The following FAM13A variants were observed in gnomAD, a reference collection of about 807,000 sequenced individuals.
FAM13A encodes family with sequence similarity 13 member A.
A neutral mutation model predicts 129.6 loss-of-function variants in FAM13A; 76 were observed. That is an observed-to-expected ratio of 0.59 (90% confidence interval 0.49 to 0.71). The LOEUF (loss-of-function observed/expected upper bound fraction) is 0.71. Ranked by LOEUF, FAM13A falls within the 30% of genes least tolerant of loss-of-function variation. The pLI is 0.00. For synonymous variants in FAM13A, 443 were observed against 449.9 expected (o/e 0.98, Z 0.20); for missense variants, 1,108 against 1,249.3 (o/e 0.89, Z 1.70).
intron 3 of FAM13A, among the ~76,000 whole-genome samples, chr4:89,015,507 A>G (rs1433844208): frequency 1.3e-5 from 2 of 152,226 alleles, no homozygotes; most frequent in Admixed American, 1.3e-4. Context: ...GGAAAAATAG[A>G]AAAGGACTCA....
At chr4:88,871,297 G>C (rs144301133) in intron 6 of FAM13A, among the ~76,000 whole-genome samples, 13 of 152,332 alleles carry the variant, frequency 8.5e-5, no homozygotes, top group Non-Finnish European at 1.9e-4. Flanking sequence ...GAATGACTTT[G>C]ATGAATTGAC....
chr4:88,823,102 G>C, intron 7 of FAM13A: 1 of 1,586,236 alleles, frequency 6.3e-7, no homozygotes, highest in Non-Finnish European at 8.6e-7. Flanking sequence ...GGCTAAGCTG[G>C]GTTGGGGGCA....
chr4:88,878,241 TTGCGCCAC>T (rs1007749907), intron 6 of FAM13A, among the ~76,000 whole-genome samples: 3 of 134,592 alleles, frequency 2.2e-5, no homozygotes, highest in Non-Finnish European at 3.0e-5. Context: ...TGAGCCGAGA[TTGCGCCAC>T]TGCACTCCAG....
chr4:88,793,184 A>G (rs1381503445), intron 8 of FAM13A, among the ~76,000 whole-genome samples: 1 of 151,940 alleles, frequency 6.6e-6, no homozygotes, highest in East Asian at 1.9e-4. Flanking sequence ...ATATCCCAAT[A>G]ATGATTTTTA....
intron 19 of FAM13A, among the ~76,000 whole-genome samples, chr4:88,741,265 T>C (rs1740190579): frequency 6.6e-6 from 1 of 152,188 alleles, no homozygotes; most frequent in South Asian, 2.1e-4. Flanking sequence ...CATATGCCCA[T>C]CAGTGGTAGA....
chr4:88,925,489 G>A (rs1370850336), intron 5 of FAM13A, among the ~76,000 whole-genome samples: 2 of 149,390 alleles, frequency 1.3e-5, no homozygotes, highest in Non-Finnish European at 3.0e-5. Flanking sequence ...CTCACTCATA[G>A]GTGGGAATTG....
At chr4:89,056,200 C>T (rs1208406017) in intron 1 of FAM13A, among the ~76,000 whole-genome samples, 1 of 152,054 alleles carries the variant, frequency 6.6e-6, no homozygotes, top group African/African-American at 2.4e-5. Flanking sequence ...CTATATAGTA[C>T]AATCAAAATT....
intron 23 of FAM13A, 138 bp downstream of exon 23, chr4:88,731,189 C>G: frequency 1.7e-6 from 1 of 587,730 alleles, no homozygotes. Context: ...TGGGCACAAA[C>G]CCAAGGACCA....
At chr4:89,009,928 C>T (rs180729839) in intron 3 of FAM13A, among the ~76,000 whole-genome samples, 72 of 152,282 alleles carry the variant, frequency 4.7e-4, no homozygotes, top group Middle Eastern at 3.4e-3. Context: ...TCAGTTAAGA[C>T]GGCCCTTTTG....
chr4:88,915,040 G>A (rs1285962560), intron 5 of FAM13A, among the ~76,000 whole-genome samples: 2 of 152,180 alleles, frequency 1.3e-5, no homozygotes, highest in African/African-American at 4.8e-5. Context: ...GTGATCTGGA[G>A]AGCAGAAGAC....
At chr4:88,951,803 CTT>C (rs1177614726) in intron 4 of FAM13A, among the ~76,000 whole-genome samples, 1 of 152,026 alleles carries the variant, frequency 6.6e-6, no homozygotes, top group African/African-American at 2.4e-5. Flanking sequence ...ATTAGAGTCT[CTT>C]ATATATCATA....
At chr4:88,859,852 T>C (rs1739192976) in intron 6 of FAM13A, among the ~76,000 whole-genome samples, 1 of 152,074 alleles carries the variant, frequency 6.6e-6, no homozygotes, top group African/African-American at 2.4e-5. Flanking sequence ...TGTTTCCACA[T>C]GTTGTCCTTA....
At chr4:88,850,696 C>T (rs952311160) in intron 7 of FAM13A, among the ~76,000 whole-genome samples, 3 of 152,196 alleles carry the variant, frequency 2.0e-5, no homozygotes, top group African/African-American at 7.2e-5. Context: ...TCGATCTCCA[C>T]TTTAAATTGC....
At chr4:88,919,937 C>T (rs912346370) in intron 5 of FAM13A, among the ~76,000 whole-genome samples, 25 of 152,228 alleles carry the variant, frequency 1.6e-4, no homozygotes, top group African/African-American at 5.3e-4. Context: ...CACAGAGTCT[C>T]GCTGATTGCT....
intron 14 of FAM13A, among the ~76,000 whole-genome samples, chr4:88,752,758 A>G (rs1742890012): frequency 6.6e-6 from 1 of 152,214 alleles, no homozygotes. Context: ...CTGGAAAGCA[A>G]CCACTAGAAA....
At chr4:88,882,481 C>A (rs1743746032) in intron 6 of FAM13A, among the ~76,000 whole-genome samples, 1 of 151,926 alleles carries the variant, frequency 6.6e-6, no homozygotes, top group South Asian at 2.1e-4. Context: ...AGATAATTCA[C>A]CACTACCAAG....
intron 2 of FAM13A, among the ~76,000 whole-genome samples, chr4:89,022,746 CTCTT>C (rs1767438613): frequency 6.6e-6 from 1 of 152,198 alleles, no homozygotes; most frequent in South Asian, 2.1e-4. Flanking sequence ...ATGCTTCTCT[CTCTT>C]TCTCTCTCTC....
At chr4:88,873,680 A>T (rs1258475352) in intron 6 of FAM13A, among the ~76,000 whole-genome samples, 1 of 152,268 alleles carries the variant, frequency 6.6e-6, no homozygotes, top group Non-Finnish European at 1.5e-5. Flanking sequence ...GTCCAGGACC[A>T]GATGGATTCA....
chr4:88,925,392 C>T (rs1751929306), intron 5 of FAM13A, among the ~76,000 whole-genome samples: 1 of 152,170 alleles, frequency 6.6e-6, no homozygotes, highest in Non-Finnish European at 1.5e-5. Flanking sequence ...ATGATGAGTT[C>T]ACATCCTTTG....
Sources: allele counts gnomAD v4.1 joint callset (sites outside exome capture counted in the v4.1 genomes callset), GRCh38; gene constraint gnomAD v4.1.1; transcripts MANE v1.5; gene names NCBI Gene and HGNC (gene_info 2026-07-23, HGNC 2026-07-21).